The following SLK variants were observed in gnomAD, a reference collection of about 807,000 sequenced individuals.
SLK encodes the protein STE20 like kinase, also known as STE20-like serine/threonine-protein kinase.
A neutral mutation model predicts 147.7 loss-of-function variants in SLK; 67 were observed. That is an observed-to-expected ratio of 0.45 (90% CI 0.37 to 0.56). The LOEUF (loss-of-function observed/expected upper bound fraction) is 0.56. Among genes scored for constraint, SLK ranks in the 20% least tolerant of loss-of-function variants. SLK has a pLI of 0.00. For missense variants in SLK, 1,136 were observed against 1,438.8 expected (o/e 0.79, Z 3.41); for synonymous variants, 441 against 475.0 (o/e 0.93, Z 0.93).
rs1844390187 is a variant in SLK, at chr10:104,010,843, A to G, written c.2812A>G (p.Lys938Glu). Reference sequence around the variant, plus strand: ...TATAAATGAAGTGGAGAAAGCACCCAAAGAGCTGAGAAAAGAGCTCATGAA... The same window carrying G: ...TATAAATGAAGTGGAGAAAGCACCCGAAGAGCTGAGAAAAGAGCTCATGAA... ...EVINEVEKAP[K>E]ELRKELMKRR... The change falls in exon 13 of 19, where the codon AAA (lysine) becomes GAA (glutamate). Residue 938 changes from lysine (K) to glutamate (E), a missense_variant. Around this residue, in one of 6 missense-constraint regions of SLK, gnomAD observed 327 missense variants for 457.5 expected, o/e 0.71. Transcript: ENST00000369755. 6.3e-7 allele frequency: 1 copy of G among 1,593,144 alleles called. No individual in the cohort carries two copies. The highest frequency in any genetic ancestry group is 1.4e-5 in the African/African-American group (1 of 73,426).
Position 104,021,629 on chromosome 10 carries a change from T to C in SLK, c.3457T>C (p.Cys1153Arg), listed in dbSNP as rs775042878. The C allele has an allele frequency of 6.3e-7, 1 of 1,586,954 alleles. No individual in the cohort carries two copies. The highest frequency in any genetic ancestry group is 1.2e-5 in the South Asian group (1 of 85,748). ...RELHQLQNEKCHLLVEHETQK... is the reference protein window; with the variant it reads ...RELHQLQNEKRHLLVEHETQK... ...CCAACTTTATTTTCAGAATGAAAAA[T>C]GCCACTTGTTGGTTGAGCATGAGAC... Residue 1153 changes from cysteine (C) to arginine (R), a missense_variant, in exon 18 of 19, where the codon TGC (cysteine) becomes CGC (arginine). Cys to Arg is a radical substitution (Grantham distance 180, BLOSUM62 -3). Transcript: ENST00000369755.
intron 13 of SLK, among the ~76,000 whole-genome samples, chr10:104,017,154 A>G (rs1238106803): frequency 2.6e-5 from 4 of 152,236 alleles, no homozygotes; most frequent in Non-Finnish European, 5.9e-5. Context: ...GCATTCGGGT[A>G]GATAGTATGT....
rs1191990316 is a variant in SLK at position 104,003,224 on chromosome 10, G to C, written c.2046G>C (p.Glu682Asp). Residue 682 changes from glutamate (E) to aspartate (D), a missense_variant, in exon 9 of 19, where the codon GAG becomes GAC. Glu to Asp is a conservative substitution (Grantham distance 45, BLOSUM62 2). This residue lies in a region of SLK where 516 missense variants were observed against 531.3 expected (regional missense o/e 0.97). Coordinates refer to ENST00000369755, the MANE Select transcript of SLK (RefSeq NM_014720.4). Reference protein sequence around the residue: ...ASKVTTQIDKEKKEIPVSIKK... With the variant: ...ASKVTTQIDKDKKEIPVSIKK... The stretch of plus-strand genomic sequence containing the variant: ...AAGTCACTACTCAGATAGATAAAGA[G>C]AAAAAAGAAATTCCAGTGTCAATTA... 3 of 1,610,728 alleles carry C rather than the reference G, an allele frequency of 1.9e-6. No homozygotes were observed. Among genetic ancestry groups the C allele is most frequent in the Non-Finnish European group, 2.5e-6 (3 of 1,179,162 alleles).
intron 18 of SLK, among the ~76,000 whole-genome samples, chr10:104,022,810 G>A (rs1589548950): frequency 1.3e-5 from 2 of 152,184 alleles, no homozygotes. Context: ...GCTTCGCCAT[G>A]TTGGCCAGGC....
At position 104,027,261 on chromosome 10, in the gene SLK, T is replaced by C. The variant is rs1485473735; in HGVS notation, c.*1541T>C. 1.3e-5 allele frequency: 2 copies of C among 152,660 alleles called. No individual in the cohort carries two copies. The highest frequency in any genetic ancestry group is 4.8e-5 in the African/African-American group (2 of 41,470). 9.5% of individuals were successfully genotyped at this position (152,660 alleles called of 1,614,324 possible). On this transcript the variant is annotated 3_prime_UTR_variant, in exon 19 of 19. Transcript: ENST00000369755. Reference sequence around the variant, plus strand: ...TTGTTTGTCAGTGATTTAGATGATTTAAAAATGCATGTGTGATTTGAATTT... The same window carrying C: ...TTGTTTGTCAGTGATTTAGATGATTCAAAAATGCATGTGTGATTTGAATTT...
chr10:104,020,271 A>T (rs1844517616), intron 16 of SLK, among the ~76,000 whole-genome samples: 1 of 152,116 alleles, frequency 6.6e-6, no homozygotes, highest in South Asian at 2.1e-4. Flanking sequence ...ACACAAATTA[A>T]CTCAGATCAC....
intron 11 of SLK, 90 bp from the exon 12 acceptor site, chr10:104,008,087 C>T (rs1017934001): frequency 2.2e-6 from 2 of 918,312 alleles, no homozygotes; most frequent in Non-Finnish European, 3.3e-6. Flanking sequence ...AATTTAAATA[C>T]TAGTTATGTT....
At chr10:103,997,913 T>C (rs547470376) in intron 4 of SLK, among the ~76,000 whole-genome samples, 8 of 152,278 alleles carry the variant, frequency 5.3e-5, no homozygotes, top group Non-Finnish European at 1.0e-4. Context: ...TGTAAAATAA[T>C]GTGTACCTTA....
In SLK at chr10:104,018,171, T is replaced by A. The variant is rs761998475; in HGVS notation, c.2889T>A (p.Phe963Leu). 88 of 1,604,170 alleles carry A rather than the reference T, an allele frequency of 5.5e-5. No individual in the cohort carries two copies. The highest frequency in any genetic ancestry group is 6.9e-5 in the Non-Finnish European group (81 of 1,176,852). Residue 963 changes from phenylalanine (F) to leucine (L), a missense_variant, in exon 14 of 19, where the codon TTT (phenylalanine) becomes TTA (leucine). Around this residue, in one of 6 missense-constraint regions of SLK, gnomAD observed 327 missense variants for 457.5 expected, o/e 0.71. Coordinates refer to ENST00000369755, the MANE Select transcript of SLK (RefSeq NM_014720.4). ...ACTGTTTTTAATAGGAACAAGAGTT[T>A]GTTCAGAAACAACAGCAAGAATTAG... ...AQSQHAQEQE[F>L]VQKQQQELDG...
At chr10:104,013,377 T>TA (rs1056410854) in intron 13 of SLK, among the ~76,000 whole-genome samples, 17 of 152,342 alleles carry the variant, frequency 1.1e-4, no homozygotes, top group African/African-American at 4.1e-4. Flanking sequence ...CTGTGGTTTA[T>TA]AAACTGGGAT....
chr10:103,971,075 C>T (rs141590742), intron 1 of SLK, among the ~76,000 whole-genome samples: 2 of 152,264 alleles, frequency 1.3e-5, no homozygotes, highest in South Asian at 2.1e-4. Context: ...ATTCTTCCAT[C>T]GTGTACTTGT....
intron 12 of SLK, among the ~76,000 whole-genome samples, chr10:104,009,612 G>A (rs918227602): frequency 7.2e-5 from 11 of 152,010 alleles, no homozygotes; most frequent in African/African-American, 2.7e-4. Context: ...CTCTCAAGTA[G>A]TTTTTGAGAT....
chr10:104,023,995 C>T (rs1844567281), intron 18 of SLK, among the ~76,000 whole-genome samples: 1 of 152,098 alleles, frequency 6.6e-6, no homozygotes, highest in Non-Finnish European at 1.5e-5. Flanking sequence ...ACTGCAGGCC[C>T]ACTCACTGCC....
chr10:103,991,214 A>T (rs1338899130), intron 2 of SLK, among the ~76,000 whole-genome samples: 1 of 152,080 alleles, frequency 6.6e-6, no homozygotes, highest in Non-Finnish European at 1.5e-5. Flanking sequence ...TTTTATCCTA[A>T]ACTTTTTGTA....
intron 2 of SLK, 152 bp from the exon 3 acceptor site, chr10:103,992,446 T>G: frequency 1.4e-6 from 1 of 706,782 alleles, no homozygotes; most frequent in Non-Finnish European, 2.3e-6. Flanking sequence ...TGTAACTCTT[T>G]TGACAAAATC....
At chr10:103,977,896 A>G (rs1190580736) in intron 1 of SLK, among the ~76,000 whole-genome samples, 8 of 152,202 alleles carry the variant, frequency 5.3e-5, no homozygotes, top group Non-Finnish European at 1.0e-4. Flanking sequence ...AAAAAGTTGT[A>G]TAGAGAACAT....
chr10:104,008,095 G>A, intron 11 of SLK, 82 bp from the exon 12 acceptor site: 1 of 1,060,660 alleles, frequency 9.4e-7, no homozygotes, highest in East Asian at 2.4e-5. Flanking sequence ...TACTAGTTAT[G>A]TTCTCTTAGG....
intron 13 of SLK, among the ~76,000 whole-genome samples, chr10:104,017,663 A>G (rs999738906): frequency 2.0e-5 from 3 of 152,102 alleles, no homozygotes; most frequent in Non-Finnish European, 4.4e-5. Flanking sequence ...TATATTTAGT[A>G]GAGATGGGGT....
At chr10:103,990,870 G>A (rs1844084185) in intron 2 of SLK, 31 bp downstream of exon 2, 1 of 1,349,016 alleles carries the variant, frequency 7.4e-7, no homozygotes, top group African/African-American at 1.5e-5. Context: ...TAAAGGAGTA[G>A]CCAAAATGAG....
Sources: allele counts gnomAD v4.1 joint callset (sites outside exome capture counted in the v4.1 genomes callset), GRCh38; gene constraint gnomAD v4.1.1; regional missense constraint gnomAD v4.1.1; transcripts MANE v1.5; gene names NCBI Gene and HGNC (gene_info 2026-07-23, HGNC 2026-07-21).